Variants in VEGFD observed in about 807,000 individuals in gnomAD.
VEGFD encodes vascular endothelial growth factor D, also known as c-fos induced growth factor (vascular endothelial growth factor D).
VEGFD carries 26 observed loss-of-function variants against 28.0 expected under a neutral mutation model. That is an observed-to-expected ratio of 0.93 (90% CI 0.68 to 1.29). VEGFD has a LOEUF of 1.29. Among genes scored for constraint, VEGFD ranks in the 50% most tolerant of loss-of-function variants. The pLI is 0.00. For synonymous variants in VEGFD, 93 were observed against 95.5 expected, an observed-to-expected ratio of 0.97 and a Z score of 0.15; for missense variants, 294 against 273.4, an observed-to-expected ratio of 1.08 and a Z score of -0.53.
At chrX:15,356,248 T>A (rs901423573) in intron 3 of VEGFD, among the ~76,000 whole-genome samples, 6 of 111,373 alleles carry the variant, frequency 5.4e-5, no homozygotes, top group Non-Finnish European at 1.1e-4. Context: ...TGTGGATGAG[T>A]TTGAAGTTGA....
At chrX:15,381,112 C>A (rs1786932943) in intron 1 of VEGFD, among the ~76,000 whole-genome samples, 1 of 112,105 alleles carries the variant, frequency 8.9e-6, no homozygotes, top group Non-Finnish European at 1.9e-5. Context: ...AGATTTGTCT[C>A]AGTTCACATG....
At chrX:15,354,140 T>G (rs1690220077) in intron 4 of VEGFD, among the ~76,000 whole-genome samples, 1 of 108,518 alleles carries the variant, frequency 9.2e-6, no homozygotes, top group Admixed American at 9.9e-5. Flanking sequence ...GGCTAATTTT[T>G]TTTTATATTT....
chrX:15,382,319 C>CAAATAAATAAATAAATAAATAAAT lies in VEGFD; in HGVS notation c.90+1514_90+1537dup, dbSNP rs774994295. On this transcript the variant is annotated intron_variant, in intron 1 of 6. Transcript: ENST00000297904. ...TGGGTGACAGAGTGAGACTCCGTCTCAAATAAATAAATAAATAAATAAATA... is the reference window on the plus strand; with the variant it reads ...TGGGTGACAGAGTGAGACTCCGTCTCAAATAAATAAATAAATAAATAAATAAATAAATAAATAAATAAATAAATA... Among the ~76,000 whole-genome samples the CAAATAAATAAATAAATAAATAAAT allele has an allele frequency of 1.4e-4, 13 of 95,438 alleles. No homozygotes were observed. In the South Asian group the frequency reaches 2.2e-3, roughly 16 times the overall value. 82.9% of individuals were successfully genotyped at this position (95,438 alleles called of 115,157 possible). A position where few individuals can be genotyped will look rare whatever the true frequency, so the allele number is the denominator to read the frequency against.
intron 1 of VEGFD, among the ~76,000 whole-genome samples, chrX:15,381,580 C>G (rs765456181): frequency 9.1e-6 from 1 of 110,322 alleles, no homozygotes; most frequent in Admixed American, 9.6e-5. Flanking sequence ...ACCATTACCA[C>G]CATGAATATG....
intron 5 of VEGFD, 176 bp from the exon 6 acceptor site, chrX:15,347,535 A>C: frequency 2.9e-6 from 1 of 341,014 alleles, no homozygotes; most frequent in Non-Finnish European, 5.0e-6. Flanking sequence ...CTGATTTCAC[A>C]ATACAAACAC....
rs1334936628 is a variant in VEGFD at position 15,384,234 on chromosome X, T to C, written c.-288A>G. 9.4e-6 allele frequency: 2 copies of C among 213,721 alleles called. No homozygotes were observed. The highest frequency in any genetic ancestry group is 1.7e-5 in the Non-Finnish European group (2 of 119,908). The allele number at this position is 213,721 out of a possible 1,213,427, so 17.6% of individuals were successfully genotyped here. ...TTCTACCTGAAATTAGAAAGCACTC[T>C]AAATTTACTTCATGTCCAGAAAATT... On this transcript the variant is annotated 5_prime_UTR_variant, in exon 1 of 7. Coordinates refer to ENST00000297904, the MANE Select transcript of VEGFD (RefSeq NM_004469.5).
intron 1 of VEGFD, among the ~76,000 whole-genome samples, chrX:15,371,582 A>G (rs748228442): frequency 8.9e-6 from 1 of 112,246 alleles, no homozygotes; most frequent in East Asian, 2.8e-4. Flanking sequence ...TTCTTTGGGA[A>G]GAAAGTAAAT....
intron 1 of VEGFD, among the ~76,000 whole-genome samples, chrX:15,378,861 T>G (rs1296664269): frequency 9.0e-6 from 1 of 110,994 alleles, no homozygotes; most frequent in African/African-American, 3.3e-5. Flanking sequence ...TCCATAAAGT[T>G]TTATGGGAGC....
At chrX:15,349,554 C>A (rs777891404) in intron 5 of VEGFD, among the ~76,000 whole-genome samples, 13 of 111,938 alleles carry the variant, frequency 1.2e-4, no homozygotes, top group African/African-American at 4.2e-4. Flanking sequence ...AAAATAAATT[C>A]TTGAAATTGT....
chrX:15,346,761 G>A (rs774763532), intron 6 of VEGFD, among the ~76,000 whole-genome samples: 10 of 110,903 alleles, frequency 9.0e-5, no homozygotes, highest in African/African-American at 2.9e-4. Flanking sequence ...GTGAAACCCC[G>A]TCTCTACTGA....
chrX:15,358,580 C>T (rs1458560754), intron 2 of VEGFD, among the ~76,000 whole-genome samples: 1 of 112,001 alleles, frequency 8.9e-6, no homozygotes, highest in Non-Finnish European at 1.9e-5. Flanking sequence ...GATAGCATTT[C>T]TTCTGCTTTA....
intron 5 of VEGFD, among the ~76,000 whole-genome samples, chrX:15,350,711 C>T (rs1351170542): frequency 1.3e-5 from 1 of 79,336 alleles, no homozygotes; most frequent in African/African-American, 4.8e-5. Context: ...CAGTAACTTA[C>T]TTTCTTTCTC....
At chrX:15,380,428 C>T (rs2146990715) in intron 1 of VEGFD, among the ~76,000 whole-genome samples, 1 of 112,778 alleles carries the variant, frequency 8.9e-6, no homozygotes, top group South Asian at 3.7e-4. Context: ...TGATTCTAGT[C>T]TTACACAGAA....
At chrX:15,360,818 A>T (rs1269727806) in intron 2 of VEGFD, among the ~76,000 whole-genome samples, 1 of 112,450 alleles carries the variant, frequency 8.9e-6, no homozygotes, top group African/African-American at 3.2e-5. Context: ...CCCAATTTAA[A>T]ATTCTACTTA....
At chrX:15,381,820 G>T (rs1228806998) in intron 1 of VEGFD, among the ~76,000 whole-genome samples, 2 of 111,890 alleles carry the variant, frequency 1.8e-5, no homozygotes, top group Non-Finnish European at 3.8e-5. Flanking sequence ...GGGTAGGGTG[G>T]ATATAAGTTC....
chrX:15,366,004 G>T (rs1465860810), intron 1 of VEGFD, among the ~76,000 whole-genome samples: 2 of 110,791 alleles, frequency 1.8e-5, no homozygotes, highest in Non-Finnish European at 3.8e-5. Context: ...TAGTTTGTTT[G>T]TTTGTTTGTT....
At chrX:15,362,511 G>A (rs1288641795) in intron 2 of VEGFD, among the ~76,000 whole-genome samples, 1 of 110,892 alleles carries the variant, frequency 9.0e-6, no homozygotes, top group Admixed American at 9.6e-5. Flanking sequence ...CGACCTCCTG[G>A]GCTCAGCCGA....
Position 15,359,717 on chromosome X carries a change from C to G in VEGFD, c.302-1524G>C, listed in dbSNP as rs187263702. On this transcript the variant is annotated intron_variant, in intron 2 of 6. Coordinates refer to ENST00000297904, the MANE Select transcript of VEGFD (RefSeq NM_004469.5). The stretch of plus-strand genomic sequence containing the variant: ...CACACGACAAGGAACTTGAGGCAGC[C>G]TCTGGCCAATAGCCAGCGAGGAACT... 2.7e-3 allele frequency among the ~76,000 whole-genome samples: 297 copies of G among 111,678 alleles called. 1 individual carries two copies. The highest frequency in any genetic ancestry group is 9.4e-3 in the African/African-American group (290 of 30,700).
In VEGFD at chrX:15,346,058, A is replaced by G; in HGVS notation, c.*75T>C. 1 of 1,138,900 alleles carries G rather than the reference A, an allele frequency of 8.8e-7. No individual in the cohort carries two copies. Among genetic ancestry groups the G allele is most frequent in the Non-Finnish European group, 1.2e-6 (1 of 849,115 alleles). 93.9% of individuals were successfully genotyped at this position (1,138,900 alleles called of 1,213,427 possible). A position where few individuals can be genotyped will look rare whatever the true frequency, so the allele number is the denominator to read the frequency against. On this transcript the variant is annotated 3_prime_UTR_variant, in exon 7 of 7. Transcript: ENST00000297904. ...TGGATTTTTTTTTTAACACCTGGGA[A>G]AAAAACAGTGACAGCAACTTGGCAA...
Sources: allele counts gnomAD v4.1 joint callset (sites outside exome capture counted in the v4.1 genomes callset), GRCh38; gene constraint gnomAD v4.1.1; transcripts MANE v1.5; gene names NCBI Gene and HGNC (gene_info 2026-07-23, HGNC 2026-07-21).